Variants in PDCD6IP observed in about 807,000 individuals in gnomAD.
The protein encoded by PDCD6IP is programmed cell death 6-interacting protein.
Under a neutral mutation model 103.7 loss-of-function variants are expected in PDCD6IP, and 43 were observed. That is an observed-to-expected ratio of 0.41 (90% confidence interval 0.32 to 0.53). The LOEUF (loss-of-function observed/expected upper bound fraction) is 0.53, where lower values mean the gene tolerates loss of function less well. Ranked by LOEUF, PDCD6IP falls within the 20% of genes least tolerant of loss-of-function variation. The pLI is 0.16. For synonymous variants in PDCD6IP, 354 were observed against 378.7 expected (o/e 0.93, Z 0.76); for missense variants, 871 against 1,036.7 (o/e 0.84, Z 2.20).
At chr3:33,861,055 C>T (rs1697940679) in intron 15 of PDCD6IP, among the ~76,000 whole-genome samples, 1 of 149,766 alleles carries the variant, frequency 6.7e-6, no homozygotes, top group Non-Finnish European at 1.5e-5. Flanking sequence ...CCCAGTATGT[C>T]CAAAGTATTA....
At chr3:33,820,323 C>A (rs183736718) in intron 3 of PDCD6IP, among the ~76,000 whole-genome samples, 1 of 152,134 alleles carries the variant, frequency 6.6e-6, no homozygotes, top group East Asian at 1.9e-4. Flanking sequence ...CTTCCCTCCC[C>A]CCTCAACCCT....
Position 33,841,898 on chromosome 3 carries a change from G to A in PDCD6IP, c.1183G>A (p.Val395Met), listed in dbSNP as rs1309284514. 3 of 1,557,308 alleles carry A rather than the reference G, an allele frequency of 1.9e-6. No individual in the cohort carries two copies. In the African/African-American group the frequency reaches 4.1e-5, roughly 21 times the overall value. Reference sequence around the variant, plus strand: ...TAACATAGTATCTCATTTTTTCAGGGTGCTAGCTTCCCTTAATCTTCCAGC... The same window carrying A: ...TAACATAGTATCTCATTTTTTCAGGATGCTAGCTTCCCTTAATCTTCCAGC... ...MREATTLANG[V>M]LASLNLPAAI... is the part of the protein sequence containing the mutation. The change falls in exon 10 of 18, where the codon GTG becomes ATG. Residue 395 changes from valine (V) to methionine (M), a missense_variant and splice_region_variant. This residue lies in a region of PDCD6IP where 266 missense variants were observed against 390.5 expected (regional missense o/e 0.68). Coordinates refer to ENST00000307296, the MANE Select transcript of PDCD6IP (RefSeq NM_013374.6).
At chr3:33,811,129 C>G (rs1270221818) in intron 1 of PDCD6IP, 2 of 425,118 alleles carry the variant, frequency 4.7e-6, no homozygotes, top group South Asian at 1.7e-5. Context: ...AAGTGATCCA[C>G]CTGCCTCAGC....
At chr3:33,861,842 A>AAAT (rs1697962715) in intron 15 of PDCD6IP, among the ~76,000 whole-genome samples, 1 of 152,166 alleles carries the variant, frequency 6.6e-6, no homozygotes, top group Non-Finnish European at 1.5e-5. Context: ...TTTTCATTGA[A>AAAT]ATCTTTCATC....
chr3:33,812,578 A>AG (rs1467334816), intron 2 of PDCD6IP, among the ~76,000 whole-genome samples: 1 of 152,244 alleles, frequency 6.6e-6, no homozygotes, highest in Non-Finnish European at 1.5e-5. Context: ...TTCTCCTTAA[A>AG]GGCTAGATGT....
intron 10 of PDCD6IP, among the ~76,000 whole-genome samples, chr3:33,842,363 C>A (rs1360355070): frequency 6.6e-6 from 1 of 152,142 alleles, no homozygotes; most frequent in Non-Finnish European, 1.5e-5. Context: ...ACAAACTGTT[C>A]AGTCTTTGTA....
At chr3:33,830,755 G>T (rs553301563) in intron 7 of PDCD6IP, among the ~76,000 whole-genome samples, 1 of 152,120 alleles carries the variant, frequency 6.6e-6, no homozygotes, top group Non-Finnish European at 1.5e-5. Context: ...ATATTTCAGA[G>T]GACAGTTATT....
chr3:33,865,639 A>C (rs971432238), intron 17 of PDCD6IP, among the ~76,000 whole-genome samples: 1 of 152,214 alleles, frequency 6.6e-6, no homozygotes, highest in East Asian at 1.9e-4. Flanking sequence ...TTATGTTTTT[A>C]TATTTTACAT....
chr3:33,808,625 C>T (rs1416310539), intron 1 of PDCD6IP, among the ~76,000 whole-genome samples: 4 of 152,132 alleles, frequency 2.6e-5, no homozygotes, highest in Non-Finnish European at 5.9e-5. Context: ...TCCATTGATC[C>T]GTGCTAGCAT....
At chr3:33,864,494 A>G (rs561015161) in intron 16 of PDCD6IP, among the ~76,000 whole-genome samples, 18 of 152,344 alleles carry the variant, frequency 1.2e-4, no homozygotes, top group South Asian at 1.0e-3. Flanking sequence ...TTTTTTAAAA[A>G]AGAGGCATAT....
At chr3:33,865,486 C>A in intron 17 of PDCD6IP, 56 bp downstream of exon 17, 2 of 1,455,676 alleles carry the variant, frequency 1.4e-6, no homozygotes, top group Non-Finnish European at 1.8e-6. Flanking sequence ...TAGGCTCTGG[C>A]TAACCTGTTA....
intron 11 of PDCD6IP, among the ~76,000 whole-genome samples, chr3:33,845,038 CT>C (rs200076857): frequency 7.7e-4 from 110 of 143,488 alleles, no homozygotes; most frequent in East Asian, 1.6e-3. Context: ...TTCTAAAAAT[CT>C]TTTTTTTTTT....
intron 11 of PDCD6IP, 95 bp downstream of exon 11, chr3:33,844,318 T>C: frequency 4.8e-6 from 3 of 619,668 alleles, no homozygotes; most frequent in Non-Finnish European, 8.1e-6. Flanking sequence ...TAAATTCATT[T>C]TTACCGAAAC....
At chr3:33,825,464 A>T (rs1697099396) in intron 5 of PDCD6IP, 124 bp downstream of exon 5, 11 of 804,436 alleles carry the variant, frequency 1.4e-5, no homozygotes, top group African/African-American at 1.8e-5. Flanking sequence ...TACATGAATT[A>T]TGGAAAATTT....
Position 33,838,236 on chromosome 3 carries a change from C to T in PDCD6IP, c.1090C>T (p.Gln364Ter). The T allele has an allele frequency of 1.2e-6, 2 of 1,613,234 alleles. No individual in the cohort carries two copies. Among genetic ancestry groups the T allele is most frequent in the Non-Finnish European group, 1.7e-6 (2 of 1,179,182 alleles). Residue 364 changes from glutamine to a stop codon, truncating the protein, a stop_gained, in exon 9 of 18, where the codon CAG becomes TAG. Coordinates refer to ENST00000307296, the MANE Select transcript of PDCD6IP (RefSeq NM_013374.6). LOFTEE classifies it high-confidence loss of function. Reference protein sequence around the residue: ...LFEKMVPVSVQQSLAAYNQRK... With the variant: ...LFEKMVPVSV Reference sequence around the variant, plus strand: ...TGAGAAGATGGTTCCCGTGTCAGTACAGCAGTCTTTGGCTGCCTATAATCA... The same window carrying T: ...TGAGAAGATGGTTCCCGTGTCAGTATAGCAGTCTTTGGCTGCCTATAATCA...
chr3:33,834,025 T>C (rs1223113438), intron 7 of PDCD6IP, among the ~76,000 whole-genome samples: 1 of 152,186 alleles, frequency 6.6e-6, no homozygotes, highest in Admixed American at 6.5e-5. Flanking sequence ...CATCTACTTT[T>C]AGGGTTTATA....
intron 1 of PDCD6IP, among the ~76,000 whole-genome samples, chr3:33,800,895 T>TA (rs1219932995): frequency 6.6e-6 from 1 of 152,238 alleles, no homozygotes; most frequent in African/African-American, 2.4e-5. Flanking sequence ...ATGGTTTGGA[T>TA]ACGGTTCTCC....
intron 1 of PDCD6IP, among the ~76,000 whole-genome samples, chr3:33,809,971 G>A (rs1575900918): frequency 6.6e-6 from 1 of 152,204 alleles, no homozygotes; most frequent in Non-Finnish European, 1.5e-5. Flanking sequence ...TTCTGTAGTG[G>A]TAATGTTTAT....
intron 15 of PDCD6IP, among the ~76,000 whole-genome samples, chr3:33,858,179 A>G (rs1404053705): frequency 1.3e-5 from 2 of 152,228 alleles, no homozygotes; most frequent in Non-Finnish European, 2.9e-5. Flanking sequence ...TTACAGTAGC[A>G]ACAAAAAGGA....
Sources: allele counts gnomAD v4.1 joint callset (sites outside exome capture counted in the v4.1 genomes callset), GRCh38; gene constraint gnomAD v4.1.1; regional missense constraint gnomAD v4.1.1; transcripts MANE v1.5; gene names NCBI Gene and HGNC (gene_info 2026-07-23, HGNC 2026-07-21).